Variants in TARP observed in about 807,000 individuals in gnomAD.
chr7:38,267,126 C>G, the TARP span, among the ~76,000 whole-genome samples: 1 of 151,676 alleles, frequency 6.6e-6, no homozygotes, highest in Non-Finnish European at 1.5e-5. Flanking sequence ...CTTTATGTCT[C>G]TCCCAGAATT....
chr7:38,272,996 G>T, the TARP span, among the ~76,000 whole-genome samples: 1 of 150,322 alleles, frequency 6.7e-6, no homozygotes, highest in African/African-American at 2.5e-5. Flanking sequence ...CATTTCAGTG[G>T]ATCTAACAGA....
At chr7:38,261,870 C>CAAAAAA in the TARP span, among the ~76,000 whole-genome samples, 2 of 52,462 alleles carry the variant, frequency 3.8e-5, no homozygotes, top group East Asian at 5.2e-4. Context: ...AGACTCTGTC[C>CAAAAAA]AAAAAAAAAA....
chr7:38,259,822 C>T, the TARP span: 19 of 426,828 alleles, frequency 4.5e-5, no homozygotes, highest in Middle Eastern at 6.8e-4. Context: ...CTATAGCAGG[C>T]GCTATTTGGG....
chr7:38,266,033 A>G, the TARP span, among the ~76,000 whole-genome samples: 1 of 151,046 alleles, frequency 6.6e-6, no homozygotes, highest in Non-Finnish European at 1.5e-5. Context: ...TTTATTTTTT[A>G]ATCTCTTTTG....
the TARP span, among the ~76,000 whole-genome samples, chr7:38,268,833 A>T: frequency 4.6e-5 from 7 of 151,442 alleles, no homozygotes; most frequent in Non-Finnish European, 1.0e-4. Context: ...GCTGCTCTGT[A>T]AATTAGATGG....
the TARP span, chr7:38,265,522 G>A: frequency 2.2e-5 from 35 of 1,612,020 alleles, no homozygotes; most frequent in Admixed American, 8.4e-5. Context: ...TCCCAGAATC[G>A]TGTTGCTCTT....
the TARP span, chr7:38,260,253 T>A: frequency 7.6e-7 from 1 of 1,310,960 alleles, no homozygotes; most frequent in Non-Finnish European, 1.0e-6. Flanking sequence ...GCACATGTTC[T>A]TTTTACAGAA....
chr7:38,262,325 A>G, the TARP span: 1 of 802,400 alleles, frequency 1.2e-6, no homozygotes, highest in Non-Finnish European at 2.1e-6. Flanking sequence ...AGTTATTAAA[A>G]ATATGAGCCC....
chr7:38,269,987 A>G, the TARP span, among the ~76,000 whole-genome samples: 1 of 151,882 alleles, frequency 6.6e-6, no homozygotes, highest in Non-Finnish European at 1.5e-5. Context: ...CTGTAGGCCC[A>G]GCTACTCGAG....
chr7:38,266,260 C>A, the TARP span, among the ~76,000 whole-genome samples: 1 of 151,518 alleles, frequency 6.6e-6, no homozygotes, highest in African/African-American at 2.4e-5. Context: ...CTGCGATGCA[C>A]CATATTTATC....
At chr7:38,271,471 CAGA>C in the TARP span, among the ~76,000 whole-genome samples, 1 of 150,500 alleles carries the variant, frequency 6.6e-6, no homozygotes, top group Non-Finnish European at 1.5e-5. Context: ...TGCTTTGATC[CAGA>C]AGGACTAACT....
the TARP span, among the ~76,000 whole-genome samples, chr7:38,266,661 G>A: frequency 6.6e-5 from 10 of 151,480 alleles, no homozygotes; most frequent in East Asian, 1.9e-4. Context: ...ATCTACTTCC[G>A]CATGTACATA....
chr7:38,270,581 T>C, the TARP span, among the ~76,000 whole-genome samples: 1 of 151,752 alleles, frequency 6.6e-6, no homozygotes, highest in Non-Finnish European at 1.5e-5. Context: ...AGCCTGAAAC[T>C]GACTTCTGTC....
At chr7:38,270,184 T>G in the TARP span, among the ~76,000 whole-genome samples, 5 of 152,058 alleles carry the variant, frequency 3.3e-5, no homozygotes, top group African/African-American at 7.2e-5. Context: ...GCTATGATTG[T>G]GTGCCTTGAC....
chr7:38,270,515 C>T, the TARP span, among the ~76,000 whole-genome samples: 1 of 151,704 alleles, frequency 6.6e-6, no homozygotes, highest in South Asian at 2.1e-4. Flanking sequence ...AACAAGTGAG[C>T]CTTTTTCTAA....
chr7:38,265,388 C>A, the TARP span: 5 of 1,611,940 alleles, frequency 3.1e-6, no homozygotes, highest in Admixed American at 1.7e-5. Context: ...TGATCAACTC[C>A]GTTTTTATTA....
At chr7:38,272,734 C>T in the TARP span, among the ~76,000 whole-genome samples, 75 of 149,726 alleles carry the variant, frequency 5.0e-4, no homozygotes, top group African/African-American at 1.6e-3. Context: ...CTCCAGGAGT[C>T]GAGAAACAAA....
At chr7:38,265,056 T>G in the TARP span, among the ~76,000 whole-genome samples, 1 of 151,400 alleles carries the variant, frequency 6.6e-6, no homozygotes, top group East Asian at 1.9e-4. Context: ...TAGATGCTTC[T>G]GTGTATGTTG....
chr7:38,268,915 C>G, the TARP span, among the ~76,000 whole-genome samples: 1 of 150,774 alleles, frequency 6.6e-6, no homozygotes, highest in Non-Finnish European at 1.5e-5. Context: ...TTGTTGGGCA[C>G]CTATTTTGGG....
Sources: gnomAD v4.1 joint callset for allele counts (sites outside exome capture counted in the v4.1 genomes callset) on GRCh38, gnomAD v4.1.1 for gene constraint, MANE v1.5 for transcripts.